DDX10: variants seen among roughly 807,000 people sequenced by gnomAD.
DDX10 encodes probable ATP-dependent RNA helicase DDX10.
In DDX10, 74 loss-of-function variants were observed where a neutral mutation model predicts 104.3. The ratio of observed to expected loss-of-function variants is 0.71; its 90% confidence interval spans 0.59 to 0.86. DDX10 has a LOEUF of 0.86. DDX10 is among the 40% of genes least tolerant of loss of function. The probability of loss-of-function intolerance (pLI) is 0.00; values close to 1 mark genes in which losing one functional copy is unlikely to be tolerated. For synonymous variants in DDX10, 351 were observed against 353.4 expected (o/e 0.99, Z 0.08); for missense variants, 952 against 1,040.0 (o/e 0.92, Z 1.16).
intron 16 of DDX10, among the ~76,000 whole-genome samples, chr11:108,901,982 A>G (rs1002425400): frequency 2.6e-5 from 4 of 152,232 alleles, no homozygotes; most frequent in African/African-American, 9.6e-5. Flanking sequence ...CTTCATTAAT[A>G]TTTGACAGAA....
At chr11:108,720,368 G>T (rs1421034390) in intron 12 of DDX10, among the ~76,000 whole-genome samples, 1 of 152,082 alleles carries the variant, frequency 6.6e-6, no homozygotes, top group Non-Finnish European at 1.5e-5. Context: ...TGAAACCCTT[G>T]CCTGGATTAC....
At chr11:108,759,347 G>A (rs2094348026) in intron 13 of DDX10, among the ~76,000 whole-genome samples, 1 of 152,004 alleles carries the variant, frequency 6.6e-6, no homozygotes, top group Non-Finnish European at 1.5e-5. Flanking sequence ...TTATGGGATG[G>A]ATGATAGTTT....
In DDX10 at chr11:108,818,056, C is replaced by A. The variant is rs148019041; in HGVS notation, c.1966-20390C>A. 6.4e-3 allele frequency among the ~76,000 whole-genome samples: 981 copies of A among 152,270 alleles called. 8 individuals are homozygous for A. The highest frequency in any genetic ancestry group is 0.01 in the Non-Finnish European group (714 of 68,018). On this transcript the variant is annotated intron_variant, in intron 13 of 17. Transcript: ENST00000322536. ...TTAAAGTAAACTGAAGAAACAACGC[C>A]ACGATATAGCTCAAGGAAAGCAACT...
chr11:108,769,490 T>C (rs2094360271), intron 13 of DDX10, among the ~76,000 whole-genome samples: 1 of 152,182 alleles, frequency 6.6e-6, no homozygotes, highest in Admixed American at 6.5e-5. Context: ...TGATTTATTC[T>C]CTTATATCTT....
intron 13 of DDX10, among the ~76,000 whole-genome samples, chr11:108,752,087 A>G (rs1565267727): frequency 6.6e-6 from 1 of 152,154 alleles, no homozygotes; most frequent in Middle Eastern, 3.2e-3. Flanking sequence ...TGGAGAAGGA[A>G]GACATCTCAG....
chr11:108,698,668 A>G (rs1000467374), intron 9 of DDX10, among the ~76,000 whole-genome samples: 19 of 152,110 alleles, frequency 1.2e-4, no homozygotes, highest in African/African-American at 4.1e-4. Context: ...CCCCCACTTT[A>G]TTCTCCTGTC....
intron 16 of DDX10, among the ~76,000 whole-genome samples, chr11:108,892,124 G>A (rs1452386567): frequency 6.6e-6 from 1 of 152,122 alleles, no homozygotes; most frequent in Non-Finnish European, 1.5e-5. Context: ...GATCGCCCCC[G>A]AGTGTTGGAA....
intron 16 of DDX10, among the ~76,000 whole-genome samples, chr11:108,893,442 A>G (rs1401991890): frequency 1.3e-5 from 2 of 152,058 alleles, no homozygotes; most frequent in Non-Finnish European, 2.9e-5. Context: ...ATTTTCATTC[A>G]TTCATGTTTT....
chr11:108,761,104 C>T (rs2094350329), intron 13 of DDX10, among the ~76,000 whole-genome samples: 1 of 152,038 alleles, frequency 6.6e-6, no homozygotes, highest in Admixed American at 6.6e-5. Flanking sequence ...CTCATCACTT[C>T]TGCTTTTATT....
chr11:108,826,444 A>G (rs894929321), intron 13 of DDX10, among the ~76,000 whole-genome samples: 1 of 152,202 alleles, frequency 6.6e-6, no homozygotes, highest in Admixed American at 6.5e-5. Context: ...CACCATGACC[A>G]TGAGACATCC....
chr11:108,882,361 A>T (rs1863238778), intron 16 of DDX10, among the ~76,000 whole-genome samples: 1 of 152,208 alleles, frequency 6.6e-6, no homozygotes, highest in Non-Finnish European at 1.5e-5. Flanking sequence ...CATTCATGTT[A>T]TAATCCTAGA....
chr11:108,773,558 A>C (rs1249878595), intron 13 of DDX10, among the ~76,000 whole-genome samples: 1 of 152,024 alleles, frequency 6.6e-6, no homozygotes, highest in Non-Finnish European at 1.5e-5. Flanking sequence ...AGATGTGTGC[A>C]CATGCACACA....
At chr11:108,668,748 A>G (rs1417082436) in intron 1 of DDX10, among the ~76,000 whole-genome samples, 1 of 152,188 alleles carries the variant, frequency 6.6e-6, no homozygotes, top group Non-Finnish European at 1.5e-5. Context: ...CCAAGTCCCT[A>G]GGGAACCTGG....
In DDX10 at chr11:108,723,414, G is replaced by A; in HGVS notation, c.1917G>A (p.Lys639=). 2 of 1,613,766 alleles carry A rather than the reference G, an allele frequency of 1.2e-6. No homozygotes were observed. The highest frequency in any genetic ancestry group is 8.5e-7 in the Non-Finnish European group (1 of 1,179,820). ...EEEDADFLKV[K]RHNVFGLDLK... ...AAGATGCTGATTTCTTGAAGGTGAA[G>A]CGGCATAATGTGTTTGGATTGGACC... Residue 639 remains lysine, a synonymous_variant, in exon 13 of 18, where the codon AAG becomes AAA. Transcript: ENST00000322536.
chr11:108,743,906 A>G (rs1490803898), intron 13 of DDX10, among the ~76,000 whole-genome samples: 1 of 152,156 alleles, frequency 6.6e-6, no homozygotes, highest in Non-Finnish European at 1.5e-5. Context: ...CAATATAAAA[A>G]CTGCCAGGTA....
intron 11 of DDX10, among the ~76,000 whole-genome samples, chr11:108,718,874 A>T (rs1453442025): frequency 6.6e-6 from 1 of 152,232 alleles, no homozygotes; most frequent in Non-Finnish European, 1.5e-5. Flanking sequence ...ATTGTTTTTT[A>T]TGCCTATGGA....
intron 13 of DDX10, among the ~76,000 whole-genome samples, chr11:108,816,521 C>T (rs1433880839): frequency 6.6e-6 from 1 of 151,924 alleles, no homozygotes; most frequent in Admixed American, 6.6e-5. Flanking sequence ...CTAATTCAAA[C>T]CCTCTATCTT....
chr11:108,906,531 C>T (rs752104542), intron 16 of DDX10, among the ~76,000 whole-genome samples: 1 of 152,190 alleles, frequency 6.6e-6, no homozygotes, highest in Admixed American at 6.5e-5. Context: ...GAAACAGAAG[C>T]TTCCTGAGTT....
intron 11 of DDX10, among the ~76,000 whole-genome samples, chr11:108,718,212 CCTGAGA>C (rs993059041): frequency 6.6e-5 from 10 of 151,756 alleles, no homozygotes; most frequent in African/African-American, 2.4e-4. Context: ...AAGTGGAAGA[CCTGAGA>C]CTGAACTCCA....
Sources: gnomAD v4.1 joint callset for allele counts (sites outside exome capture counted in the v4.1 genomes callset) on GRCh38, gnomAD v4.1.1 for gene constraint, MANE v1.5 for transcripts, NCBI Gene and HGNC (gene_info 2026-07-23, HGNC 2026-07-21) for gene names.